ZNF391: variants seen among roughly 807,000 people sequenced by gnomAD.
The protein encoded by ZNF391 is zinc finger protein 391.
For missense variants in ZNF391, 375 were observed against 425.5 expected (o/e 0.88, Z 1.04); for synonymous variants, 126 against 142.1 (o/e 0.89, Z 0.80).
At chr6:27,390,466 A>T (rs748594437) in intron 1 of ZNF391, among the ~76,000 whole-genome samples, 27 of 152,194 alleles carry the variant, frequency 1.8e-4, no homozygotes, top group Non-Finnish European at 3.7e-4. Flanking sequence ...AGAAAAGGAG[A>T]GGCAACTTTC....
At position 27,400,343 on chromosome 6, in the gene ZNF391, C is replaced by A. The variant is rs373996400; in HGVS notation, c.-28C>A. 3 of 1,549,080 alleles carry A rather than the reference C, an allele frequency of 1.9e-6. No individual in the cohort carries two copies. Among genetic ancestry groups the A allele is most frequent in the Non-Finnish European group, 2.6e-6 (3 of 1,147,830 alleles). On this transcript the variant is annotated 5_prime_UTR_variant, in exon 3 of 3. Transcript: ENST00000244576. ...GCATCAACACCAATCAGACTGTTTC[C>A]GAAGAACTAGAGTTTTCTGGGTCAG...
rs760633914 is a variant in ZNF391 at position 27,401,279 on chromosome 6, G to GCCTCACGAGTGTAGAGTGTGT, written c.910_930dup (p.Pro304_Cys310dup). Reference sequence around the variant, plus strand: ...ATCAGAGAATCCACAGTGGAGAAAAGCCTCACGAGTGTAGAGTGTGTGGAA... The same window carrying GCCTCACGAGTGTAGAGTGTGT: ...ATCAGAGAATCCACAGTGGAGAAAAGCCTCACGAGTGTAGAGTGTGTCCTCACGAGTGTAGAGTGTGTGGAA... On this transcript the variant is annotated inframe_insertion, in exon 3 of 3. Coordinates refer to ENST00000244576, the MANE Select transcript of ZNF391 (RefSeq NM_001076781.3). 1.2e-6 allele frequency: 2 copies of GCCTCACGAGTGTAGAGTGTGT among 1,614,008 alleles called. No homozygotes were observed. Among genetic ancestry groups the GCCTCACGAGTGTAGAGTGTGT allele is most frequent in the Admixed American group, 3.3e-5 (2 of 60,004 alleles).
At chr6:27,378,682 G>A (rs535147763) in intron 1 of ZNF391, among the ~76,000 whole-genome samples, 3 of 152,156 alleles carry the variant, frequency 2.0e-5, no homozygotes, top group Admixed American at 6.5e-5. Context: ...CAGGGGATGC[G>A]ATGGCTTAGC....
In ZNF391 at chr6:27,400,472, G is replaced by T. The variant is rs1761923334; in HGVS notation, c.102G>T (p.Lys34Asn). The change falls in exon 3 of 3, where the codon AAG (lysine) becomes AAT (asparagine). Residue 34 changes from lysine (K) to asparagine (N), a missense_variant. By Grantham distance (94) the Lys-to-Asn change is moderately conservative. Transcript: ENST00000244576. Reference sequence around the variant, plus strand: ...GGCAAACAAAATGTCCTGCACAGAAGAAATCCTCTTTTGAGAACACAGTGG... The same window carrying T: ...GGCAAACAAAATGTCCTGCACAGAATAAATCCTCTTTTGAGAACACAGTGG... ...LSRQTKCPAQ[K>N]KSSFENTVVR... 1 of 1,614,084 alleles carries T rather than the reference G, an allele frequency of 6.2e-7. No homozygotes were observed. The highest frequency in any genetic ancestry group is 1.7e-5 in the Admixed American group (1 of 60,006).
At position 27,401,009 on chromosome 6, in the gene ZNF391, AACTCAT is replaced by A; in HGVS notation, c.645_650del (p.His215_Thr216del). 6.2e-7 allele frequency: 1 copy of A among 1,614,218 alleles called. No individual in the cohort carries two copies. The highest frequency in any genetic ancestry group is 8.5e-7 in the Non-Finnish European group (1 of 1,180,034). ...GCACTAACCTTAGTCAGCATCAGCG[AACTCAT>A]ACTCAAGAAAGGCCTTACAAATGTA... is the stretch of plus-strand genomic sequence containing the variant. On this transcript the variant is annotated inframe_deletion, in exon 3 of 3. Coordinates refer to ENST00000244576, the MANE Select transcript of ZNF391 (RefSeq NM_001076781.3).
In ZNF391 at chr6:27,388,834, G is replaced by T. The variant is rs1221241342; in HGVS notation, c.-429G>T. On this transcript the variant is annotated 5_prime_UTR_variant, in exon 1 of 3. Transcript: ENST00000244576. ...CAGGCGACTGCCCAGACAATGACTG[G>T]TCCCGCATACCGAGCAGAGCATGAT... The T allele has an allele frequency of 4.6e-6, 2 of 438,806 alleles. No homozygotes were observed. The highest frequency in any genetic ancestry group is 4.1e-5 in the African/African-American group (2 of 48,844). 27.2% of individuals were successfully genotyped at this position (438,806 alleles called of 1,614,324 possible).
rs1398369374 is a variant in ZNF391, at chr6:27,403,860, C to G, written c.*2413C>G. ...TGTAAAGTAGTAAAACAGTGCCTGACAAAAGTAAATGCTCAATAAATTCTA... is the reference window on the plus strand; with the variant it reads ...TGTAAAGTAGTAAAACAGTGCCTGAGAAAAGTAAATGCTCAATAAATTCTA... On this transcript the variant is annotated 3_prime_UTR_variant, in exon 3 of 3. Transcript: ENST00000244576. 6.6e-6 allele frequency: 1 copy of G among 152,146 alleles called. No homozygotes were observed. Among genetic ancestry groups the G allele is most frequent in the East Asian group, 1.9e-4 (1 of 5,196 alleles). The allele number at this position is 152,146 out of a possible 1,614,324, so 9.4% of individuals were successfully genotyped here. A position where few individuals can be genotyped will look rare whatever the true frequency, so the allele number is the denominator to read the frequency against.
At chr6:27,388,566 T>A (rs1369649506), upstream of ZNF391, among the ~76,000 whole-genome samples, 1 of 152,240 alleles carries the variant, frequency 6.6e-6, no homozygotes, top group African/African-American at 2.4e-5. Flanking sequence ...TTGCAGTGTA[T>A]TAAGGTGGTC....
chr6:27,381,572 C>A (rs936821962), intron 1 of ZNF391, among the ~76,000 whole-genome samples: 8 of 152,216 alleles, frequency 5.3e-5, no homozygotes, highest in Non-Finnish European at 1.0e-4. Context: ...AGAGGAGGCG[C>A]CGAGAGCGAG....
At position 27,398,790 on chromosome 6, in the gene ZNF391, C is replaced by T. The variant is rs184173915; in HGVS notation, c.-187-652C>T. On this transcript the variant is annotated intron_variant, in intron 1 of 2. Coordinates refer to ENST00000244576, the MANE Select transcript of ZNF391 (RefSeq NM_001076781.3). ...AGGAGAATGGTGTGAACCCGGGAGG[C>T]GGAGCTTGCAGTGAGCCGAGATCGC... 3.0e-4 allele frequency among the ~76,000 whole-genome samples: 46 copies of T among 152,114 alleles called. No individual in the cohort carries two copies. The East Asian group carries it at 5.0e-3, about 17-fold the overall frequency.
chr6:27,398,431 T>C (rs888299518), intron 1 of ZNF391, among the ~76,000 whole-genome samples: 3 of 150,746 alleles, frequency 2.0e-5, no homozygotes, highest in East Asian at 2.0e-4. Flanking sequence ...CTCTGATAGG[T>C]TGGTGTTCCA....
At chr6:27,381,869 C>T (rs1446130237) in intron 1 of ZNF391, among the ~76,000 whole-genome samples, 1 of 151,944 alleles carries the variant, frequency 6.6e-6, no homozygotes, top group Non-Finnish European at 1.5e-5. Flanking sequence ...CTTGTCTCTA[C>T]TAAAAATACA....
intron 1 of ZNF391, among the ~76,000 whole-genome samples, chr6:27,378,091 T>C (rs146822708): frequency 9.1e-4 from 139 of 152,328 alleles, no homozygotes; most frequent in Middle Eastern, 3.4e-3. Context: ...TATTGAATGG[T>C]CTATTTATAT....
intron 2 of ZNF391, 75 bp downstream of exon 2, chr6:27,399,625 T>C (rs1761905953): frequency 4.6e-5 from 7 of 152,184 alleles, no homozygotes; most frequent in Admixed American, 4.6e-4. Context: ...TGCAATTTGT[T>C]GGGTCATGTA....
chr6:27,389,802 G>C (rs1761664099), intron 1 of ZNF391, among the ~76,000 whole-genome samples: 2 of 140,346 alleles, frequency 1.4e-5, no homozygotes. Context: ...GAAACTCCGC[G>C]CCCCTCCCCC....
chr6:27,380,318 G>A (rs754138022), intron 1 of ZNF391, among the ~76,000 whole-genome samples: 5 of 151,156 alleles, frequency 3.3e-5, no homozygotes, highest in Non-Finnish European at 7.4e-5. Context: ...CTTCTAGTGG[G>A]TGCATAGCCT....
chr6:27,390,771 A>G (rs2113649151), intron 1 of ZNF391, among the ~76,000 whole-genome samples: 1 of 152,330 alleles, frequency 6.6e-6, no homozygotes, highest in Middle Eastern at 3.4e-3. Flanking sequence ...CAGCAATAGC[A>G]TCATCTCCCT....
At position 27,403,262 on chromosome 6, in the gene ZNF391, C is replaced by T. The variant is rs1351637850; in HGVS notation, c.*1815C>T. ...TTCCTTTCTCTTCTCAAAGATAATA[C>T]ATGCGGGCAGGCCTGTTTTGTCCCT... On this transcript the variant is annotated 3_prime_UTR_variant, in exon 3 of 3. Transcript: ENST00000244576. 2 of 152,190 alleles carry T rather than the reference C, an allele frequency of 1.3e-5. No homozygotes were observed. Among genetic ancestry groups the T allele is most frequent in the Non-Finnish European group, 2.9e-5 (2 of 68,050 alleles). The allele number at this position is 152,190 out of a possible 1,614,324, so 9.4% of individuals were successfully genotyped here. A position where few individuals can be genotyped will look rare whatever the true frequency, so the allele number is the denominator to read the frequency against.
chr6:27,377,524 A>T (rs964470722), intron 1 of ZNF391, among the ~76,000 whole-genome samples: 3 of 152,258 alleles, frequency 2.0e-5, no homozygotes, highest in Non-Finnish European at 4.4e-5. Flanking sequence ...AACTCAAAAA[A>T]TGTAACTGTT....
Sources: gnomAD v4.1 joint callset for allele counts (sites outside exome capture counted in the v4.1 genomes callset) on GRCh38, gnomAD v4.1.1 for gene constraint, MANE v1.5 for transcripts, NCBI Gene and HGNC (gene_info 2026-07-23, HGNC 2026-07-21) for gene names.